Variants in STK32B observed in about 807,000 individuals in gnomAD.
STK32B encodes the protein serine/threonine kinase 32B.
A neutral mutation model predicts 52.6 loss-of-function variants in STK32B; 43 were observed. The observed-to-expected ratio is 0.82, with a 90% CI of 0.64 to 1.05. The LOEUF (loss-of-function observed/expected upper bound fraction) is 1.05, where lower values mean the gene tolerates loss of function less well. Among genes scored for constraint, STK32B ranks in the 50% least tolerant of loss-of-function variants. STK32B has a pLI of 0.00. For synonymous variants in STK32B, 238 were observed against 204.3 expected (o/e 1.17, Z -1.41); for missense variants, 621 against 534.6 (o/e 1.16, Z -1.59).
chr4:5,464,715 G>A (rs1717302447), intron 9 of STK32B, among the ~76,000 whole-genome samples: 1 of 152,122 alleles, frequency 6.6e-6, no homozygotes, highest in Non-Finnish European at 1.5e-5. Flanking sequence ...CCTGTTAATG[G>A]CATTCTCAGC....
intron 4 of STK32B, 124 bp downstream of exon 4, chr4:5,331,517 G>A: frequency 9.8e-7 from 1 of 1,019,330 alleles, no homozygotes; most frequent in East Asian, 2.7e-5. Context: ...AGTGCATGAG[G>A]GAAAAAAGCA....
chr4:5,278,578 G>T (rs1235827593), intron 3 of STK32B, among the ~76,000 whole-genome samples: 2 of 152,192 alleles, frequency 1.3e-5, no homozygotes, highest in South Asian at 2.1e-4. Context: ...GTAAGAAAAA[G>T]AAATTCACTT....
At position 5,317,291 on chromosome 4, in the gene STK32B, A is replaced by ATATAATATATAACATATAACATATG. The variant is rs1731103066; in HGVS notation, c.261-13917_261-13916insCATATAACATATGTATAATATATAA. ...ATATAATATATAACATATAACATAT[A>ATATAATATATAACATATAACATATG]TATAATATATAATATATAACATATG... On this transcript the variant is annotated intron_variant, in intron 3 of 11. Transcript: ENST00000282908. Among the ~76,000 whole-genome samples the ATATAATATATAACATATAACATATG allele has an allele frequency of 2.9e-4, 13 of 44,420 alleles. No homozygotes were observed. The South Asian group carries it at 8.2e-3, about 28-fold the overall frequency. The allele number at this position is 44,420 out of a possible 152,430, so 29.1% of individuals were successfully genotyped here.
At chr4:5,485,521 C>G (rs948341782) in intron 11 of STK32B, among the ~76,000 whole-genome samples, 1 of 152,198 alleles carries the variant, frequency 6.6e-6, no homozygotes, top group Admixed American at 6.5e-5. Context: ...ACTTCTTTGC[C>G]ATGGGCTCAA....
intron 3 of STK32B, among the ~76,000 whole-genome samples, chr4:5,205,898 C>T (rs780240267): frequency 9.2e-5 from 14 of 152,168 alleles, no homozygotes; most frequent in Non-Finnish European, 1.9e-4. Context: ...AAGGTTAGGG[C>T]AGGATCCTGG....
At chr4:5,284,045 C>T (rs909831574) in intron 3 of STK32B, among the ~76,000 whole-genome samples, 2 of 151,834 alleles carry the variant, frequency 1.3e-5, no homozygotes, top group Admixed American at 6.6e-5. Context: ...ATTGTCTAGG[C>T]GTACAAATTA....
At chr4:5,348,663 G>A (rs1282932848) in intron 4 of STK32B, among the ~76,000 whole-genome samples, 1 of 152,186 alleles carries the variant, frequency 6.6e-6, no homozygotes, top group Non-Finnish European at 1.5e-5. Context: ...ACACTACTCA[G>A]TAACAGAGCT....
intron 1 of STK32B, among the ~76,000 whole-genome samples, chr4:5,053,649 G>T (rs543693876): frequency 6.6e-6 from 1 of 152,194 alleles, no homozygotes; most frequent in African/African-American, 2.4e-5. Context: ...TAAGCAGATT[G>T]GGCCTAAGGT....
Position 5,467,871 on chromosome 4 carries a change from A to C in STK32B, c.1042-135A>C, listed in dbSNP as rs1012638019. ...CATGCAGTCAGGGTCAGCCCCAGAC[A>C]CTTAGCTTGGCTTGTCCCGGTCCCA... On this transcript the variant is annotated intron_variant, in intron 10 of 11. Coordinates refer to ENST00000282908, the MANE Select transcript of STK32B (RefSeq NM_018401.3). This position sits in a 1 kb window ranked among gnomAD's most constrained non-coding sequence, Gnocchi z 5.8. The C allele has an allele frequency of 7.4e-6, 7 of 943,962 alleles. No individual in the cohort carries two copies. The highest frequency in any genetic ancestry group is 1.6e-5 in the African/African-American group (1 of 62,182). The allele number at this position is 943,962 out of a possible 1,614,324, so 58.5% of individuals were successfully genotyped here. A position where few individuals can be genotyped will look rare whatever the true frequency, so the allele number is the denominator to read the frequency against.
intron 3 of STK32B, among the ~76,000 whole-genome samples, chr4:5,265,063 G>A (rs909430027): frequency 1.3e-5 from 2 of 152,126 alleles, no homozygotes; most frequent in Non-Finnish European, 2.9e-5. Flanking sequence ...ATATTTAATA[G>A]ATCTATTACT....
intron 1 of STK32B, among the ~76,000 whole-genome samples, chr4:5,125,446 G>T (rs931412218): frequency 6.6e-6 from 1 of 152,196 alleles, no homozygotes; most frequent in African/African-American, 2.4e-5. Context: ...GCAGCTTATG[G>T]TTAGAGACAG....
At chr4:5,141,417 A>G (rs1435056189) in intron 2 of STK32B, among the ~76,000 whole-genome samples, 1 of 152,102 alleles carries the variant, frequency 6.6e-6, no homozygotes, top group African/African-American at 2.4e-5. Flanking sequence ...AGGCAATGGG[A>G]GTGGTGCAAG....
At chr4:5,146,550 C>G (rs1380688367) in intron 2 of STK32B, among the ~76,000 whole-genome samples, 2 of 152,186 alleles carry the variant, frequency 1.3e-5, no homozygotes, top group African/African-American at 4.8e-5. Flanking sequence ...GCAGGTGGGT[C>G]TTCCTGAGGA....
intron 1 of STK32B, among the ~76,000 whole-genome samples, chr4:5,114,451 G>A (rs949112614): frequency 2.6e-5 from 4 of 151,916 alleles, no homozygotes; most frequent in African/African-American, 4.8e-5. Context: ...TTTCTATCAC[G>A]CTCACCAAAG....
chr4:5,280,441 C>CT (rs1728119298), intron 3 of STK32B, among the ~76,000 whole-genome samples: 1 of 152,170 alleles, frequency 6.6e-6, no homozygotes, highest in African/African-American at 2.4e-5. Flanking sequence ...CTTCCTGACT[C>CT]TCCCTCGTCT....
At chr4:5,250,865 GAA>G (rs1167162180) in intron 3 of STK32B, among the ~76,000 whole-genome samples, 1 of 152,102 alleles carries the variant, frequency 6.6e-6, no homozygotes, top group Non-Finnish European at 1.5e-5. Flanking sequence ...TATGTCTTTT[GAA>G]AAGTGTCTGT....
intron 3 of STK32B, among the ~76,000 whole-genome samples, chr4:5,244,116 G>A (rs866280419): frequency 6.6e-6 from 1 of 152,058 alleles, no homozygotes; most frequent in Admixed American, 6.6e-5. Flanking sequence ...GGAGGATTCT[G>A]TCTTTTTCTA....
chr4:5,406,081 T>C (rs914801593), intron 5 of STK32B, among the ~76,000 whole-genome samples: 1 of 152,142 alleles, frequency 6.6e-6, no homozygotes, highest in African/African-American at 2.4e-5. Flanking sequence ...TTACAGGCAT[T>C]GGGTAAATAC....
chr4:5,150,097 T>C (rs1297564498), intron 2 of STK32B, among the ~76,000 whole-genome samples: 1 of 152,094 alleles, frequency 6.6e-6, no homozygotes, highest in East Asian at 1.9e-4. Flanking sequence ...AAACTTTGAA[T>C]CATTATTGTC....
Sources: allele counts gnomAD v4.1 joint callset (sites outside exome capture counted in the v4.1 genomes callset), GRCh38; gene constraint gnomAD v4.1.1; non-coding constraint Gnocchi (gnomAD v3.1); transcripts MANE v1.5; gene names NCBI Gene and HGNC (gene_info 2026-07-23, HGNC 2026-07-21).